The following KCNU1 variants were observed in gnomAD, a reference collection of about 807,000 sequenced individuals.
KCNU1 encodes potassium calcium-activated channel subfamily U member 1.
In KCNU1, 93 loss-of-function variants were observed where a neutral mutation model predicts 126.8. The ratio of observed to expected loss-of-function variants is 0.73; its 90% CI spans 0.62 to 0.87. The LOEUF (loss-of-function observed/expected upper bound fraction) is 0.87. KCNU1 is among the 40% of genes least tolerant of loss of function. The pLI, the probability that KCNU1 is intolerant of heterozygous loss-of-function variation, is 0.00. For synonymous variants in KCNU1, 523 were observed against 494.2 expected (o/e 1.06, Z -0.77); for missense variants, 1,330 against 1,367.1 (o/e 0.97, Z 0.43).
chr8:36,931,237 C>A lies in KCNU1; in HGVS notation c.2931+92C>A, dbSNP rs557522710. The stretch of plus-strand genomic sequence containing the variant: ...CAGGCTATTTGGGTTCATAGATGTC[C>A]CATAGCACAGAAATGATAACAATAA... On this transcript the variant is annotated intron_variant, in intron 25 of 26. Coordinates refer to ENST00000399881, the MANE Select transcript of KCNU1 (RefSeq NM_001031836.3). The A allele has an allele frequency of 7.2e-6, 5 of 690,794 alleles. No homozygotes were observed. In the South Asian group the frequency reaches 9.9e-5, roughly 14 times the overall value. 42.8% of individuals were successfully genotyped at this position (690,794 alleles called of 1,614,324 possible).
At chr8:36,823,901 G>A (rs545872217) in intron 10 of KCNU1, among the ~76,000 whole-genome samples, 1 of 148,610 alleles carries the variant, frequency 6.7e-6, no homozygotes, top group Non-Finnish European at 1.5e-5. Flanking sequence ...GCAATGGTGC[G>A]ATCTCAGTTC....
At chr8:36,800,970 T>C (rs775844806) in intron 2 of KCNU1, among the ~76,000 whole-genome samples, 2 of 152,162 alleles carry the variant, frequency 1.3e-5, no homozygotes, top group Non-Finnish European at 2.9e-5. Context: ...ACTGAGTATG[T>C]TGAGATGGAT....
intron 14 of KCNU1, among the ~76,000 whole-genome samples, chr8:36,839,125 C>T (rs114377444): frequency 0.011 from 1,653 of 152,228 alleles, 30 homozygotes; most frequent in African/African-American, 0.037. Context: ...GATTAAAAGG[C>T]CTTGAGTCAA....
At chr8:36,786,894 C>T (rs531818741) in intron 1 of KCNU1, among the ~76,000 whole-genome samples, 84 of 152,260 alleles carry the variant, frequency 5.5e-4, no homozygotes, top group African/African-American at 1.9e-3. Context: ...AAAATGCGGA[C>T]ACTTAAGTAA....
chr8:36,784,415 T>G lies in KCNU1; in HGVS notation c.5T>G (p.Phe2Cys). 6.2e-7 allele frequency: 1 copy of G among 1,611,522 alleles called. No individual in the cohort carries two copies. Among genetic ancestry groups the G allele is most frequent in the Non-Finnish European group, 8.5e-7 (1 of 1,178,740 alleles). M[F>C]QTKLRNETWE... ...CCGTCTACTGATGTCTCGAACATGT[T>G]TCAGACTAAGCTACGAAATGAAACT... The change falls in exon 1 of 27, where the codon TTT becomes TGT. Residue 2 changes from phenylalanine to cysteine, a missense_variant. This residue lies in a region of KCNU1 where 247 missense variants were observed against 255.4 expected (regional missense o/e 0.97). Coordinates refer to ENST00000399881, the MANE Select transcript of KCNU1 (RefSeq NM_001031836.3).
intron 3 of KCNU1, 105 bp downstream of exon 3, chr8:36,804,193 A>T (rs1164056388): frequency 4.1e-6 from 3 of 736,316 alleles, no homozygotes; most frequent in Non-Finnish European, 7.0e-6. Flanking sequence ...TCACACACAC[A>T]TGCACGCACA....
At chr8:36,846,979 G>A (rs747760709) in intron 18 of KCNU1, among the ~76,000 whole-genome samples, 41 of 152,078 alleles carry the variant, frequency 2.7e-4, no homozygotes, top group Non-Finnish European at 4.4e-4. Flanking sequence ...AGCTGGCTTA[G>A]CATCATGAGT....
chr8:36,833,548 G>C lies in KCNU1; in HGVS notation c.1107-6G>C, dbSNP rs1288854866. On this transcript the variant is annotated splice_region_variant and splice_polypyrimidine_tract_variant and intron_variant, in intron 10 of 26. Transcript: ENST00000399881. The stretch of plus-strand genomic sequence containing the variant: ...CCTCATTGCTGCCACGTTCTTTTTT[G>C]TCCAGAACCCCTCCTTCTTTGGAAC... 5 of 1,578,868 alleles carry C rather than the reference G, an allele frequency of 3.2e-6. No homozygotes were observed. The South Asian group carries it at 5.5e-5, about 18-fold the overall frequency.
intron 15 of KCNU1, among the ~76,000 whole-genome samples, 172 bp downstream of exon 15, chr8:36,840,747 C>T (rs1023299655): frequency 2.0e-5 from 3 of 152,226 alleles, no homozygotes; most frequent in Non-Finnish European, 4.4e-5. Flanking sequence ...AATTTCATCT[C>T]TGTCCCAGTT....
chr8:36,877,917 T>C (rs1177659869), intron 19 of KCNU1, among the ~76,000 whole-genome samples: 1 of 152,184 alleles, frequency 6.6e-6, no homozygotes, highest in Non-Finnish European at 1.5e-5. Context: ...TGCATTATAC[T>C]TCTTATCTGC....
chr8:36,802,391 G>A (rs1803343889), intron 2 of KCNU1, among the ~76,000 whole-genome samples: 1 of 152,164 alleles, frequency 6.6e-6, no homozygotes, highest in African/African-American at 2.4e-5. Context: ...GGAGCACAGA[G>A]GACGGGTCTG....
intron 2 of KCNU1, among the ~76,000 whole-genome samples, chr8:36,798,322 A>G (rs1314766607): frequency 6.6e-6 from 1 of 152,234 alleles, no homozygotes; most frequent in Non-Finnish European, 1.5e-5. Context: ...ATTGTGAGTT[A>G]CTTTCCAATC....
chr8:36,832,868 A>G lies in KCNU1; in HGVS notation c.1107-686A>G, dbSNP rs78750334. Reference sequence around the variant, plus strand: ...AGCATATATATTTAATATTTTCAACATATTTCTAAGAATAATGATAAAGAA... The same window carrying G: ...AGCATATATATTTAATATTTTCAACGTATTTCTAAGAATAATGATAAAGAA... On this transcript the variant is annotated intron_variant, in intron 10 of 26. Coordinates refer to ENST00000399881, the MANE Select transcript of KCNU1 (RefSeq NM_001031836.3). 9.6e-3 allele frequency among the ~76,000 whole-genome samples: 1,460 copies of G among 152,206 alleles called. 182 individuals carry two copies. The East Asian group carries it at 0.25, about 26-fold the overall frequency.
Position 36,905,756 on chromosome 8 carries a change from T to C in KCNU1, c.2058T>C (p.Ser686=), listed in dbSNP as rs1337332938. The C allele has an allele frequency of 1.2e-6, 2 of 1,605,880 alleles. No homozygotes were observed. Among genetic ancestry groups the C allele is most frequent in the Admixed American group, 3.4e-5 (2 of 59,298 alleles). The part of the protein sequence containing the change: ...VEQDSDQLDS[S]GMFHWCKPTS... ...AAGATTCTGACCAGCTTGATAGCAG[T>C]GGGATGTTTCACTGGTGCAAACCAA... Residue 686 remains serine, a synonymous_variant, in exon 20 of 27, where the codon AGT becomes AGC. Coordinates refer to ENST00000399881, the MANE Select transcript of KCNU1 (RefSeq NM_001031836.3).
chr8:36,808,376 A>G (rs1163585036), intron 6 of KCNU1, among the ~76,000 whole-genome samples: 2 of 152,096 alleles, frequency 1.3e-5, no homozygotes, highest in African/African-American at 4.8e-5. Flanking sequence ...CAATATAACA[A>G]TCTCTATGAT....
intron 18 of KCNU1, among the ~76,000 whole-genome samples, chr8:36,849,420 C>T (rs977910675): frequency 1.3e-5 from 2 of 152,016 alleles, no homozygotes; most frequent in African/African-American, 4.8e-5. Flanking sequence ...GAAACCCCGT[C>T]TGTACTAAAA....
chr8:36,905,815 T>C lies in KCNU1; in HGVS notation c.2106+11T>C. ...GACAAGGTGACTCTGGTAGGTGATC[T>C]TGCATCATCAAATCTCAAATAAGAT... On this transcript the variant is annotated intron_variant, in intron 20 of 26. Transcript: ENST00000399881. 1 of 1,326,196 alleles carries C rather than the reference T, an allele frequency of 7.5e-7. No homozygotes were observed. 82.2% of individuals were successfully genotyped at this position (1,326,196 alleles called of 1,614,324 possible).
In KCNU1 at chr8:36,835,331, C is replaced by CTCTTT. The variant is rs570261332; in HGVS notation, c.1295+480_1295+484dup. Among the ~76,000 whole-genome samples the CTCTTT allele has an allele frequency of 8.8e-3, 1,324 of 150,726 alleles. 21 individuals are homozygous for CTCTTT. Among genetic ancestry groups the CTCTTT allele is most frequent in the African/African-American group, 0.03 (1,233 of 41,042 alleles). On this transcript the variant is annotated intron_variant, in intron 12 of 26. Transcript: ENST00000399881. ...TTTTGTTTGACCATCAGTAAGTATT[C>CTCTTT]TCTTTTCTTTTCTTTTCTTTTTTTT...
intron 7 of KCNU1, among the ~76,000 whole-genome samples, chr8:36,809,824 T>G (rs1293910307): frequency 6.6e-6 from 1 of 152,176 alleles, no homozygotes; most frequent in African/African-American, 2.4e-5. Context: ...AATGAGGGGC[T>G]CAAAGGCTTA....
Sources: allele counts gnomAD v4.1 joint callset (sites outside exome capture counted in the v4.1 genomes callset), GRCh38; gene constraint gnomAD v4.1.1; regional missense constraint gnomAD v4.1.1; transcripts MANE v1.5; gene names NCBI Gene and HGNC (gene_info 2026-07-23, HGNC 2026-07-21).